RARB: variants seen among roughly 807,000 people sequenced by gnomAD.
RARB encodes the protein retinoic acid receptor beta.
A neutral mutation model predicts 51.9 loss-of-function variants in RARB; 17 were observed. The observed-to-expected ratio is 0.33, with a 90% CI of 0.22 to 0.49. The LOEUF is 0.49. RARB is among the 20% of genes least tolerant of loss of function. The pLI is 0.99. For synonymous variants in RARB, 215 were observed against 195.4 expected, an observed-to-expected ratio of 1.10 and a Z score of -0.84; for missense variants, 369 against 550.8, an observed-to-expected ratio of 0.67 and a Z score of 3.30.
At chr3:25,225,799 T>A (rs1201655002) in intron 5 of RARB, among the ~76,000 whole-genome samples, 1 of 152,148 alleles carries the variant, frequency 6.6e-6, no homozygotes, top group East Asian at 1.9e-4. Flanking sequence ...TTATTTTAAT[T>A]TGCTTAAGTA....
intron 2 of RARB, among the ~76,000 whole-genome samples, chr3:24,986,005 A>T (rs1188410199): frequency 6.6e-6 from 1 of 152,240 alleles, no homozygotes; most frequent in Non-Finnish European, 1.5e-5. Context: ...GGGATTAAAT[A>T]TGAGCATACT....
intron 5 of RARB, among the ~76,000 whole-genome samples, chr3:25,203,684 C>T (rs1227556388): frequency 6.6e-6 from 1 of 152,158 alleles, no homozygotes; most frequent in African/African-American, 2.4e-5. Context: ...TTCCCCTTCA[C>T]TTATGAAGCT....
intron 4 of RARB, among the ~76,000 whole-genome samples, chr3:25,162,000 C>T (rs1056514080): frequency 6.6e-6 from 1 of 152,192 alleles, no homozygotes; most frequent in African/African-American, 2.4e-5. Context: ...GGCCTCACAC[C>T]TTGGGCATGT....
At chr3:24,913,805 T>G (rs79477275) in intron 2 of RARB, among the ~76,000 whole-genome samples, 3 of 152,226 alleles carry the variant, frequency 2.0e-5, no homozygotes, top group African/African-American at 7.2e-5. Flanking sequence ...TCAATAATTA[T>G]GAATTTGTAA....
At chr3:25,268,789 G>A (rs537324958) in intron 5 of RARB, among the ~76,000 whole-genome samples, 18 of 152,182 alleles carry the variant, frequency 1.2e-4, no homozygotes, top group South Asian at 8.3e-4. Flanking sequence ...GCCTCTCTGC[G>A]CTTCTTAGGA....
rs184085157 is a variant in RARB at position 24,997,448 on chromosome 3, T to C, written c.-379-62677T>C. ...TGTACTCAATTTGCATTCATGGCCA[T>C]TGATAGGTGAGGACTTACTCCTGTC... On this transcript the variant is annotated intron_variant, in intron 2 of 11. Transcript: ENST00000383772. Among the ~76,000 whole-genome samples, 106 of 152,226 alleles carry C rather than the reference T, an allele frequency of 7.0e-4. 1 individual carries two copies. Among genetic ancestry groups the C allele is most frequent in the South Asian group, 2.1e-3 (10 of 4,828 alleles).
At chr3:25,276,883 T>C (rs1016959269) in intron 5 of RARB, among the ~76,000 whole-genome samples, 1 of 152,150 alleles carries the variant, frequency 6.6e-6, no homozygotes, top group African/African-American at 2.4e-5. Context: ...CAGTAATCTG[T>C]ATAACAGCTC....
At position 25,511,455 on chromosome 3, in the gene RARB, C is replaced by G. The variant is rs565701289; in HGVS notation, c.448+10132C>G. Among the ~76,000 whole-genome samples the G allele has an allele frequency of 5.3e-5, 8 of 152,036 alleles. No homozygotes were observed. The South Asian group carries it at 1.5e-3, about 28-fold the overall frequency. On this transcript the variant is annotated intron_variant, in intron 3 of 7. Transcript: ENST00000330688. The stretch of plus-strand genomic sequence containing the variant: ...CAACCCTGTTTATTTTTTACCCTAC[C>G]TTTCTATTTATGGCAAATGACACCC...
rs13065586 is a variant in RARB at position 25,153,635 on chromosome 3, C to T, written c.-279-20484C>T. The stretch of plus-strand genomic sequence containing the variant: ...CTTCTGAGTTGTTTGATAAATAATT[C>T]GCTACTGTAGTTAAGAATGCTGTTT... On this transcript the variant is annotated intron_variant, in intron 4 of 11. Coordinates refer to the RARB transcript ENST00000383772. Among the ~76,000 whole-genome samples, 508 of 152,176 alleles carry T rather than the reference C, an allele frequency of 3.3e-3. 3 individuals are homozygous for T. Among genetic ancestry groups the T allele is most frequent in the Non-Finnish European group, 4.8e-3 (324 of 68,006 alleles).
chr3:25,591,546 TCTA>T (rs1701614701), intron 5 of RARB, among the ~76,000 whole-genome samples: 1 of 152,220 alleles, frequency 6.6e-6, no homozygotes, highest in African/African-American at 2.4e-5. Flanking sequence ...ATCAAATCAT[TCTA>T]CTAGCTTATG....
intron 1 of RARB, among the ~76,000 whole-genome samples, chr3:24,830,923 T>C (rs574546769): frequency 3.9e-5 from 6 of 152,162 alleles, no homozygotes; most frequent in African/African-American, 1.2e-4. Context: ...AAAAGAGCCC[T>C]GAAGCTAAAA....
intron 2 of RARB, among the ~76,000 whole-genome samples, chr3:24,888,583 TA>T (rs141236580): frequency 1.3e-5 from 2 of 151,704 alleles, no homozygotes; most frequent in East Asian, 1.9e-4. Context: ...CAAGCTTTTT[TA>T]AAAAAAAATC....
rs1559449305 is a variant in RARB, at chr3:25,054,564, C to A, written c.-379-5561C>A. ...ACAGAAGGCACAGGATGAGTGAAGT[C>A]AGAAAGGCTGACTCTCAACAGTGTG... On this transcript the variant is annotated intron_variant, in intron 2 of 11. Transcript: ENST00000383772. Among the ~76,000 whole-genome samples the A allele has an allele frequency of 2.0e-5, 3 of 152,140 alleles. No individual in the cohort carries two copies. In the South Asian group the frequency reaches 6.2e-4, roughly 31 times the overall value.
intron 1 of RARB, 43 bp downstream of exon 1, chr3:25,428,931 T>A (rs773868160): frequency 1.2e-5 from 18 of 1,546,898 alleles, no homozygotes; most frequent in East Asian, 2.3e-5. Context: ...AAAAAAAAAA[T>A]TGTCTCTCTT....
At chr3:24,866,186 T>G (rs897616997) in intron 2 of RARB, among the ~76,000 whole-genome samples, 1 of 152,106 alleles carries the variant, frequency 6.6e-6, no homozygotes, top group East Asian at 1.9e-4. Flanking sequence ...ATTTCATCTC[T>G]TACCATTCTC....
intron 3 of RARB, among the ~76,000 whole-genome samples, chr3:25,501,624 G>A (rs987264999): frequency 2.6e-5 from 4 of 152,130 alleles, no homozygotes; most frequent in Non-Finnish European, 4.4e-5. Flanking sequence ...ACAGTCACAC[G>A]GTGACTCCAT....
chr3:25,395,444 G>T (rs1303956747), intron 5 of RARB, among the ~76,000 whole-genome samples: 1 of 152,116 alleles, frequency 6.6e-6, no homozygotes, highest in African/African-American at 2.4e-5. Flanking sequence ...TGGATGTCTA[G>T]ATCTCTAGCA....
rs149731103 is a variant in RARB, at chr3:25,205,075, G to A, written c.178+30500G>A. Among the ~76,000 whole-genome samples, 607 of 152,244 alleles carry A rather than the reference G, an allele frequency of 4.0e-3. 10 individuals are homozygous for A. Among genetic ancestry groups the A allele is most frequent in the East Asian group, 0.03 (152 of 5,146 alleles). ...CCTTGAGCTGTGGTGGGCTCTACCC[G>A]GTTCGAGCTTCCTGGCTGCTTTGGT... On this transcript the variant is annotated intron_variant, in intron 5 of 11. Transcript: ENST00000383772.
At chr3:25,382,928 C>A (rs573267009) in intron 5 of RARB, among the ~76,000 whole-genome samples, 1 of 152,134 alleles carries the variant, frequency 6.6e-6, no homozygotes, top group East Asian at 1.9e-4. Context: ...CCCAAAGCAA[C>A]AGTAGATCGT....
Sources: gnomAD v4.1 joint callset for allele counts (sites outside exome capture counted in the v4.1 genomes callset) on GRCh38, gnomAD v4.1.1 for gene constraint, MANE v1.5 for transcripts, NCBI Gene and HGNC (gene_info 2026-07-23, HGNC 2026-07-21) for gene names.